DOCK8: variants seen among roughly 807,000 people sequenced by gnomAD.
DOCK8 encodes the protein dedicator of cytokinesis protein 8.
In DOCK8, 141 loss-of-function variants were observed where a neutral mutation model predicts 245.6. The observed-to-expected ratio is 0.57, with a 90% CI of 0.50 to 0.66. DOCK8 has a LOEUF of 0.66. Among genes scored for constraint, DOCK8 ranks in the 30% least tolerant of loss-of-function variants. The probability of loss-of-function intolerance (pLI) is 0.00; values close to 1 mark genes in which losing one functional copy is unlikely to be tolerated. For synonymous variants in DOCK8, 1,168 were observed against 970.2 expected, an observed-to-expected ratio of 1.20 and a Z score of -3.79; for missense variants, 2,965 against 2,603.4, an observed-to-expected ratio of 1.14 and a Z score of -3.02.
At chr9:244,188 A>G (rs1424130609) in intron 1 of DOCK8, among the ~76,000 whole-genome samples, 5 of 29,104 alleles carry the variant, frequency 1.7e-4, no homozygotes, top group African/African-American at 8.8e-4. Flanking sequence ...ACTCCGTCTG[A>G]AAAAAAAAAA....
chr9:400,421 CCACCA>C (rs2054864069), intron 26 of DOCK8, among the ~76,000 whole-genome samples: 1 of 58,796 alleles, frequency 1.7e-5, no homozygotes, highest in Non-Finnish European at 3.6e-5. Flanking sequence ...ACCACCACCT[CCACCA>C]TCACCACCAC....
chr9:289,896 T>G (rs1374483677), intron 4 of DOCK8, among the ~76,000 whole-genome samples: 1 of 152,250 alleles, frequency 6.6e-6, no homozygotes, highest in Non-Finnish European at 1.5e-5. Context: ...GACAAATGTG[T>G]AATGACATGT....
chr9:372,236 C>T lies in DOCK8; in HGVS notation c.2059C>T (p.Pro687Ser), dbSNP rs1426309062. The change falls in exon 18 of 48, where the codon CCA becomes TCA. Residue 687 changes from proline to serine, a missense_variant. By Grantham distance (74) the Pro-to-Ser change is moderately conservative (BLOSUM62 -1). This residue lies in a region of DOCK8 where 2,825 missense variants were observed against 2,453.5 expected (regional missense o/e 1.15). Transcript: ENST00000432829. ...ERLQTGSYCLPVALEKLPPNY... is the reference protein window; with the variant it reads ...ERLQTGSYCLSVALEKLPPNY... The stretch of plus-strand genomic sequence containing the variant: ...TCTTCAAACTGGATCCTACTGTCTC[C>T]CAGTTGCCTTGGAAAAATTGCCACC... 2 of 1,614,098 alleles carry T rather than the reference C, an allele frequency of 1.2e-6. No homozygotes were observed. Among genetic ancestry groups the T allele is most frequent in the Non-Finnish European group, 8.5e-7 (1 of 1,180,022 alleles).
chr9:439,675 G>C (rs927768982), intron 40 of DOCK8, among the ~76,000 whole-genome samples: 1 of 152,178 alleles, frequency 6.6e-6, no homozygotes, highest in Non-Finnish European at 1.5e-5. Context: ...AATAGGGGTG[G>C]AACTAAGCCA....
At chr9:333,654 A>T (rs1248279914) in intron 10 of DOCK8, among the ~76,000 whole-genome samples, 1 of 151,574 alleles carries the variant, frequency 6.6e-6, no homozygotes, top group Non-Finnish European at 1.5e-5. Context: ...TTAGTATTGT[A>T]CTCTACAGAC....
intron 2 of DOCK8, chr9:273,097 A>G (rs1432856850): frequency 3.0e-6 from 3 of 985,282 alleles, no homozygotes; most frequent in East Asian, 1.1e-4. Context: ...TGAATCTTTC[A>G]AAGGTATGTT....
At chr9:458,725 C>A (rs190351674) in intron 46 of DOCK8, among the ~76,000 whole-genome samples, 30 of 152,206 alleles carry the variant, frequency 2.0e-4, no homozygotes, top group African/African-American at 6.7e-4. Context: ...GTGGGAGGAT[C>A]ACTTGAGCCC....
intron 1 of DOCK8, among the ~76,000 whole-genome samples, chr9:229,703 G>A (rs2047065080): frequency 6.6e-6 from 1 of 151,986 alleles, no homozygotes; most frequent in Non-Finnish European, 1.5e-5. Context: ...AATTAAAAAT[G>A]AGTAGAAAAA....
chr9:371,683 C>T (rs1586826691), intron 17 of DOCK8, 117 bp downstream of exon 17: 11 of 1,361,388 alleles, frequency 8.1e-6, no homozygotes, highest in South Asian at 7.5e-5. Context: ...AGTAGCAAAA[C>T]ATGCTAAGCC....
In DOCK8 at chr9:338,722, G is replaced by C. The variant is rs76992149; in HGVS notation, c.1423-284G>C. ...AGAGGGTGAGAGTTATCGGGGGGAA[G>C]CTTTTGGCCTGGTTTTCTAATGGTC... On this transcript the variant is annotated intron_variant, in intron 12 of 47. Coordinates refer to ENST00000432829, the MANE Select transcript of DOCK8 (RefSeq NM_203447.4). 0.062 allele frequency among the ~76,000 whole-genome samples: 9,492 copies of C among 152,232 alleles called. 365 individuals are homozygous for C. The highest frequency in any genetic ancestry group is 0.083 in the East Asian group (430 of 5,184).
chr9:403,204 G>T (rs1352855949), intron 26 of DOCK8, among the ~76,000 whole-genome samples: 1 of 152,166 alleles, frequency 6.6e-6, no homozygotes, highest in Non-Finnish European at 1.5e-5. Context: ...TGTCTGTCTT[G>T]AATGATGTCT....
Position 286,574 on chromosome 9 carries a change from C to G in DOCK8, c.270C>G (p.Asp90Glu), listed in dbSNP as rs1350372160. 1.2e-6 allele frequency: 2 copies of G among 1,614,004 alleles called. No homozygotes were observed. Among genetic ancestry groups the G allele is most frequent in the Non-Finnish European group, 8.5e-7 (1 of 1,179,938 alleles). The part of the protein sequence containing the change: ...AQELGDFTDD[D>E]LDVVFTPKEC... The stretch of plus-strand genomic sequence containing the variant: ...AGCTCGGGGACTTCACTGATGACGA[C>G]TTGGACGTGGTGTTCACGCCAAAGG... The change falls in exon 3 of 48, where the codon GAC becomes GAG. Residue 90 changes from aspartate (D) to glutamate (E), a missense_variant. Physicochemically the swap from Asp to Glu is conservative, Grantham distance 45. This residue lies in a region of DOCK8 where 2,825 missense variants were observed against 2,453.5 expected (regional missense o/e 1.15). Coordinates refer to ENST00000432829, the MANE Select transcript of DOCK8 (RefSeq NM_203447.4).
intron 33 of DOCK8, among the ~76,000 whole-genome samples, chr9:425,501 T>C (rs532024413): frequency 1.5e-4 from 20 of 133,252 alleles, no homozygotes; most frequent in South Asian, 1.3e-3. Context: ...CACTGCACTC[T>C]GCACTCCAGC....
chr9:368,050 A>G lies in DOCK8; in HGVS notation c.1712A>G (p.Asn571Ser). ...NLLYVYPQRL[N>S]FVNKLASARN... is the part of the protein sequence containing the mutation. ...CTCTATGTCTACCCACAGAGGCTGA[A>G]CTTTGTAAACAAACTAGCATCAGCC... Residue 571 changes from asparagine (N) to serine (S), a missense_variant, in exon 15 of 48, where the codon AAC becomes AGC. Physicochemically the swap from Asn to Ser is conservative, Grantham distance 46. This residue lies in a region of DOCK8 where 2,825 missense variants were observed against 2,453.5 expected (regional missense o/e 1.15). Transcript: ENST00000432829. 1 of 1,614,174 alleles carries G rather than the reference A, an allele frequency of 6.2e-7. No individual in the cohort carries two copies. Among genetic ancestry groups the G allele is most frequent in the Non-Finnish European group, 8.5e-7 (1 of 1,179,994 alleles).
chr9:241,496 C>G (rs1008565948), intron 1 of DOCK8, among the ~76,000 whole-genome samples: 3 of 152,144 alleles, frequency 2.0e-5, no homozygotes, highest in Non-Finnish European at 4.4e-5. Flanking sequence ...ACTTTCTGTT[C>G]CTGGCTTATT....
At chr9:356,768 A>G (rs2052467856) in intron 14 of DOCK8, among the ~76,000 whole-genome samples, 1 of 152,182 alleles carries the variant, frequency 6.6e-6, no homozygotes, top group Non-Finnish European at 1.5e-5. Flanking sequence ...AGTGAATTAT[A>G]TATAAACCTC....
intron 1 of DOCK8, among the ~76,000 whole-genome samples, chr9:241,074 C>G (rs1367976951): frequency 6.6e-6 from 1 of 151,778 alleles, no homozygotes; most frequent in East Asian, 1.9e-4. Flanking sequence ...ACAAAACTAG[C>G]AAATTGTTTT....
chr9:271,524 G>A, intron 1 of DOCK8, 103 bp from the exon 2 acceptor site: 1 of 924,696 alleles, frequency 1.1e-6, no homozygotes, highest in Middle Eastern at 2.7e-4. Flanking sequence ...TCATTGCCCA[G>A]CCAAGGCCTA....
At chr9:362,597 C>G (rs1016398074) in intron 14 of DOCK8, among the ~76,000 whole-genome samples, 2 of 152,210 alleles carry the variant, frequency 1.3e-5, no homozygotes, top group African/African-American at 2.4e-5. Flanking sequence ...TCTCTCCTCT[C>G]AAAGCCCTCT....
Sources: allele counts gnomAD v4.1 joint callset (sites outside exome capture counted in the v4.1 genomes callset), GRCh38; gene constraint gnomAD v4.1.1; regional missense constraint gnomAD v4.1.1; transcripts MANE v1.5; gene names NCBI Gene and HGNC (gene_info 2026-07-23, HGNC 2026-07-21).